ITGA9: variants seen among roughly 807,000 people sequenced by gnomAD.
The protein encoded by ITGA9 is integrin alpha-9.
In ITGA9, 56 loss-of-function variants were observed where a neutral mutation model predicts 127.8. The observed-to-expected ratio is 0.44, with a 90% CI of 0.35 to 0.55. ITGA9 has a LOEUF of 0.55. Among genes scored for constraint, ITGA9 ranks in the 20% least tolerant of loss-of-function variants. The pLI is 0.00. For missense variants in ITGA9, 1,196 were observed against 1,347.1 expected (o/e 0.89, Z 1.76); for synonymous variants, 508 against 514.5 (o/e 0.99, Z 0.17).
At chr3:37,534,107 A>G (rs148771116) in intron 14 of ITGA9, among the ~76,000 whole-genome samples, 99 of 152,366 alleles carry the variant, frequency 6.5e-4, no homozygotes, top group African/African-American at 2.3e-3. Context: ...CCCCAGAACA[A>G]GATAGAACCA....
chr3:37,691,523 A>G (rs889497571), intron 18 of ITGA9, among the ~76,000 whole-genome samples: 7 of 152,132 alleles, frequency 4.6e-5, no homozygotes, highest in South Asian at 2.1e-4. Flanking sequence ...TCTATTTTCT[A>G]ATAAAACCGA....
intron 15 of ITGA9, among the ~76,000 whole-genome samples, chr3:37,555,360 T>G (rs1425442986): frequency 8.3e-6 from 1 of 120,890 alleles, no homozygotes; most frequent in African/African-American, 2.5e-5. Context: ...ATCAGCACTG[T>G]CCAATATGGT....
At chr3:37,723,682 T>A (rs190374286) in intron 18 of ITGA9, among the ~76,000 whole-genome samples, 1 of 152,356 alleles carries the variant, frequency 6.6e-6, no homozygotes, top group African/African-American at 2.4e-5. Context: ...CATTTCCTTT[T>A]GAATTTTTTG....
rs115324339 is a variant in ITGA9 at position 37,658,257 on chromosome 3, T to G, written c.1916+4467T>G. On this transcript the variant is annotated intron_variant, in intron 17 of 27. Transcript: ENST00000264741. ...TCTGAATATCCTTGTTAGTTTTCTGTCTCATGATCTAATATTTGACAGTGG... is the reference window on the plus strand; with the variant it reads ...TCTGAATATCCTTGTTAGTTTTCTGGCTCATGATCTAATATTTGACAGTGG... Among the ~76,000 whole-genome samples, 292 of 152,298 alleles carry G rather than the reference T, an allele frequency of 1.9e-3. 2 individuals carry two copies. The highest frequency in any genetic ancestry group is 6.8e-3 in the African/African-American group (283 of 41,580).
intron 1 of ITGA9, among the ~76,000 whole-genome samples, chr3:37,462,805 C>T (rs1480469156): frequency 6.6e-6 from 1 of 152,208 alleles, no homozygotes; most frequent in African/African-American, 2.4e-5. Context: ...CATGGTCCCC[C>T]AAACACTTTC....
intron 17 of ITGA9, among the ~76,000 whole-genome samples, chr3:37,679,930 A>G (rs1047481146): frequency 2.7e-5 from 4 of 150,822 alleles, no homozygotes; most frequent in Non-Finnish European, 5.9e-5. Flanking sequence ...CATAACCACA[A>G]CTTCGATAAG....
intron 14 of ITGA9, among the ~76,000 whole-genome samples, chr3:37,537,260 G>A (rs1699217572): frequency 6.6e-6 from 1 of 152,196 alleles, no homozygotes; most frequent in Admixed American, 6.5e-5. Context: ...TGCTGTTGGG[G>A]CCAGCTGCCG....
At chr3:37,646,685 G>T (rs910280388) in intron 16 of ITGA9, among the ~76,000 whole-genome samples, 1 of 152,242 alleles carries the variant, frequency 6.6e-6, no homozygotes, top group African/African-American at 2.4e-5. Flanking sequence ...GAAGTCTGGA[G>T]GGAGGTGGAA....
At chr3:37,769,007 G>A (rs971166942) in intron 23 of ITGA9, among the ~76,000 whole-genome samples, 3 of 152,058 alleles carry the variant, frequency 2.0e-5, no homozygotes, top group South Asian at 2.1e-4. Context: ...TGGTAAAATG[G>A]CAAACTGGTA....
At chr3:37,794,217 G>A (rs1042552479) in intron 26 of ITGA9, among the ~76,000 whole-genome samples, 2 of 152,198 alleles carry the variant, frequency 1.3e-5, no homozygotes, top group Non-Finnish European at 2.9e-5. Context: ...CAGAGGCTCC[G>A]GGAGTGAAGG....
rs140325951 is a variant in ITGA9, at chr3:37,651,274, A to G, written c.1840-2440A>G. On this transcript the variant is annotated intron_variant, in intron 16 of 27. Transcript: ENST00000264741. ...TAGTAGAGTTCAAGGAAAAGTTAGG[A>G]CAAGGAAAATGAGTCTTTACAAAGC... Among the ~76,000 whole-genome samples the G allele has an allele frequency of 9.2e-5, 14 of 152,350 alleles. No individual in the cohort carries two copies. In the East Asian group the frequency reaches 2.7e-3, roughly 29 times the overall value.
At chr3:37,460,408 A>C (rs948714774) in intron 1 of ITGA9, among the ~76,000 whole-genome samples, 2 of 152,210 alleles carry the variant, frequency 1.3e-5, no homozygotes, top group Non-Finnish European at 2.9e-5. Context: ...ATAGTCAACA[A>C]TAATTTGATT....
At chr3:37,615,642 G>A (rs1342016231) in intron 15 of ITGA9, among the ~76,000 whole-genome samples, 1 of 152,230 alleles carries the variant, frequency 6.6e-6, no homozygotes, top group Non-Finnish European at 1.5e-5. Flanking sequence ...CTCAATTTCA[G>A]AGCCTGTTAT....
chr3:37,457,064 A>G (rs1458516305), intron 1 of ITGA9, among the ~76,000 whole-genome samples: 2 of 152,174 alleles, frequency 1.3e-5, no homozygotes, highest in Non-Finnish European at 2.9e-5. Flanking sequence ...ACAAGGATCA[A>G]AAGGAGAGGT....
chr3:37,642,753 T>C (rs958687667), intron 16 of ITGA9, among the ~76,000 whole-genome samples: 2 of 152,242 alleles, frequency 1.3e-5, no homozygotes, highest in African/African-American at 4.8e-5. Flanking sequence ...TATTTTAGTC[T>C]AATGGTAATT....
chr3:37,538,797 C>T (rs1466850302), intron 14 of ITGA9, among the ~76,000 whole-genome samples: 1 of 152,214 alleles, frequency 6.6e-6, no homozygotes, highest in Non-Finnish European at 1.5e-5. Context: ...TTGCTTTCTT[C>T]TAGAGGAGAC....
intron 16 of ITGA9, among the ~76,000 whole-genome samples, chr3:37,636,403 T>C (rs897324373): frequency 2.6e-5 from 4 of 152,274 alleles, no homozygotes; most frequent in African/African-American, 9.6e-5. Flanking sequence ...CATTTCTTCA[T>C]GTGTTTTTTG....
rs563700565 is a variant in ITGA9, at chr3:37,806,300, C to T, written c.3009+2358C>T. The T allele has an allele frequency of 8.9e-5, 13 of 145,880 alleles. No individual in the cohort carries two copies. Among genetic ancestry groups the T allele is most frequent in the South Asian group, 2.1e-4 (1 of 4,664 alleles). 9.0% of individuals were successfully genotyped at this position (145,880 alleles called of 1,614,324 possible). A position where few individuals can be genotyped will look rare whatever the true frequency, so the allele number is the denominator to read the frequency against. ...GTGTGTGTGGGTGTGTGTGTGTGTG[C>T]GTGCGCGTGTGTGTGTGTGTATGTG... On this transcript the variant is annotated intron_variant, in intron 27 of 27. Transcript: ENST00000264741. This position sits in a 1 kb window ranked among gnomAD's most constrained non-coding sequence, Gnocchi z 4.3.
Position 37,464,096 on chromosome 3 carries a change from A to T in ITGA9, c.186-6911A>T, listed in dbSNP as rs1225403461. On this transcript the variant is annotated intron_variant, in intron 1 of 27. Transcript: ENST00000264741. Reference sequence around the variant, plus strand: ...GGTTGGATAGAGAGTTGCTAGGTAGATTTCCTCACAGAAGGTGTGAGTGTG... The same window carrying T: ...GGTTGGATAGAGAGTTGCTAGGTAGTTTTCCTCACAGAAGGTGTGAGTGTG... Among the ~76,000 whole-genome samples the T allele has an allele frequency of 1.9e-4, 28 of 149,228 alleles. No individual in the cohort carries two copies. The Admixed American group carries it at 1.9e-3, about 10-fold the overall frequency.
Sources: gnomAD v4.1 joint callset for allele counts (sites outside exome capture counted in the v4.1 genomes callset) on GRCh38, gnomAD v4.1.1 for gene constraint, Gnocchi (gnomAD v3.1) non-coding constraint, MANE v1.5 for transcripts, NCBI Gene and HGNC (gene_info 2026-07-23, HGNC 2026-07-21) for gene names.